Variants in B3GLCT observed in about 807,000 individuals in gnomAD.
B3GLCT encodes beta-1,3-glucosyltransferase.
B3GLCT carries 65 observed loss-of-function variants against 63.4 expected under a neutral mutation model. The observed-to-expected ratio is 1.03, with a 90% CI of 0.84 to 1.26. The LOEUF is 1.26. B3GLCT is among the 50% of genes most tolerant of loss of function. The probability of loss-of-function intolerance (pLI) is 0.00; values close to 1 mark genes in which losing one functional copy is unlikely to be tolerated. For synonymous variants in B3GLCT, 233 were observed against 219.2 expected, an observed-to-expected ratio of 1.06 and a Z score of -0.55; for missense variants, 577 against 604.8, an observed-to-expected ratio of 0.95 and a Z score of 0.48.
chr13:31,290,267 G>A (rs1474405733), intron 12 of B3GLCT, among the ~76,000 whole-genome samples: 3 of 152,154 alleles, frequency 2.0e-5, no homozygotes, highest in Non-Finnish European at 2.9e-5. Context: ...GTCTGTCACC[G>A]ATGGGCATTT....
intron 14 of B3GLCT, among the ~76,000 whole-genome samples, chr13:31,328,984 A>G (rs560049734): frequency 6.6e-6 from 1 of 152,338 alleles, no homozygotes; most frequent in South Asian, 2.1e-4. Context: ...GGAAGAGAGC[A>G]TGAGTTACAT....
At position 31,274,727 on chromosome 13, in the gene B3GLCT, G is replaced by A. The variant is rs552513266; in HGVS notation, c.780+99G>A. On this transcript the variant is annotated intron_variant, in intron 9 of 14. Coordinates refer to ENST00000343307, the MANE Select transcript of B3GLCT (RefSeq NM_194318.4). ...ACTTTAAAATGAATTTTAAATTCAG[G>A]GCATTCATGTGCAAGTTGGTTATAA... 4.8e-5 allele frequency: 71 copies of A among 1,477,918 alleles called. No individual in the cohort carries two copies. In the African/African-American group the frequency reaches 9.1e-4, roughly 19 times the overall value. The allele number at this position is 1,477,918 out of a possible 1,614,324, so 91.6% of individuals were successfully genotyped here. A position where few individuals can be genotyped will look rare whatever the true frequency, so the allele number is the denominator to read the frequency against.
At chr13:31,200,708 G>T (rs1254109251) in intron 1 of B3GLCT, among the ~76,000 whole-genome samples, 4 of 151,978 alleles carry the variant, frequency 2.6e-5, no homozygotes, top group Admixed American at 1.3e-4. Flanking sequence ...GTGTCCGCGC[G>T]CCCCTCCGCA....
intron 6 of B3GLCT, 40 bp from the exon 7 acceptor site, chr13:31,260,906 G>T: frequency 6.3e-7 from 1 of 1,589,412 alleles, no homozygotes; most frequent in Non-Finnish European, 8.6e-7. Flanking sequence ...TACATGAAAT[G>T]ATTGTTTTTA....
chr13:31,323,070 A>G (rs529413015), intron 13 of B3GLCT, among the ~76,000 whole-genome samples: 117 of 152,330 alleles, frequency 7.7e-4, no homozygotes, highest in African/African-American at 2.6e-3. Context: ...TCTCTTGTCT[A>G]GTCAAGGGCA....
chr13:31,274,221 G>A (rs1872684521), intron 8 of B3GLCT, among the ~76,000 whole-genome samples: 1 of 152,176 alleles, frequency 6.6e-6, no homozygotes, highest in Non-Finnish European at 1.5e-5. Context: ...CTCTCTCTGT[G>A]ATGTTGTAGA....
At chr13:31,304,108 T>A (rs1256757841) in intron 12 of B3GLCT, among the ~76,000 whole-genome samples, 3 of 94,152 alleles carry the variant, frequency 3.2e-5, no homozygotes, top group Non-Finnish European at 4.2e-5. Context: ...AATAAAATAC[T>A]TTATAGACAA....
rs375811209 is a variant in B3GLCT at position 31,235,557 on chromosome 13, G to GA, written c.270+6264dup. 1.7e-3 allele frequency among the ~76,000 whole-genome samples: 260 copies of GA among 151,700 alleles called. 3 individuals carry two copies. Among genetic ancestry groups the GA allele is most frequent in the Non-Finnish European group, 3.0e-3 (205 of 68,000 alleles). On this transcript the variant is annotated intron_variant, in intron 4 of 14. Coordinates refer to ENST00000343307, the MANE Select transcript of B3GLCT (RefSeq NM_194318.4). Reference sequence around the variant, plus strand: ...CATCAGTAATGCGACATTCTCTGGAGAGGCCTCAGAGAGACTGGTCTCAGA... The same window carrying GA: ...CATCAGTAATGCGACATTCTCTGGAGAAGGCCTCAGAGAGACTGGTCTCAGA...
chr13:31,224,847 T>A (rs1870014447), intron 3 of B3GLCT, among the ~76,000 whole-genome samples: 1 of 152,176 alleles, frequency 6.6e-6, no homozygotes, highest in African/African-American at 2.4e-5. Context: ...AACACCAGCA[T>A]GATGAAACCC....
intron 7 of B3GLCT, among the ~76,000 whole-genome samples, chr13:31,266,153 A>G (rs942858236): frequency 5.9e-5 from 9 of 152,120 alleles, no homozygotes; most frequent in African/African-American, 1.4e-4. Flanking sequence ...GCCCGCCACC[A>G]CACCCGCCTA....
chr13:31,301,845 T>G (rs1417657923), intron 12 of B3GLCT, among the ~76,000 whole-genome samples: 3 of 152,244 alleles, frequency 2.0e-5, no homozygotes, highest in Non-Finnish European at 4.4e-5. Context: ...CCACTCAGTC[T>G]TTAATAATGT....
intron 2 of B3GLCT, among the ~76,000 whole-genome samples, chr13:31,222,551 C>T (rs532236383): frequency 1.1e-4 from 17 of 152,342 alleles, no homozygotes; most frequent in African/African-American, 4.1e-4. Context: ...TCATGAGGAG[C>T]ACCCTGCCAG....
Position 31,269,527 on chromosome 13 carries a change from A to G in B3GLCT, c.660+250A>G, listed in dbSNP as rs1924818. Among the ~76,000 whole-genome samples, 144,867 of 152,236 alleles carry G rather than the reference A, an allele frequency of 0.95. 69,234 individuals carry two copies. The highest frequency in any genetic ancestry group is 1 in the East Asian group (5,171 of 5,188). Reference sequence around the variant, plus strand: ...TGATTCTTTACTTTTAAGCTAGATGAATGGGTCCAGAGGTAGATTTCTAAA... The same window carrying G: ...TGATTCTTTACTTTTAAGCTAGATGGATGGGTCCAGAGGTAGATTTCTAAA... On this transcript the variant is annotated intron_variant, in intron 8 of 14. Transcript: ENST00000343307.
At chr13:31,217,875 C>G (rs1396009255) in intron 2 of B3GLCT, among the ~76,000 whole-genome samples, 1 of 152,162 alleles carries the variant, frequency 6.6e-6, no homozygotes, top group East Asian at 1.9e-4. Context: ...ATGCCTCCAG[C>G]TTTGTTTCTT....
chr13:31,286,902 C>A, intron 12 of B3GLCT, 83 bp downstream of exon 12: 1 of 923,902 alleles, frequency 1.1e-6, no homozygotes, highest in Non-Finnish European at 1.7e-6. Flanking sequence ...TTTTTCTGGC[C>A]AAGATGAAGT....
intron 4 of B3GLCT, among the ~76,000 whole-genome samples, chr13:31,244,082 A>T (rs1263743031): frequency 6.6e-6 from 1 of 152,246 alleles, no homozygotes; most frequent in African/African-American, 2.4e-5. Flanking sequence ...GAATGCCTTT[A>T]CTATGTCTTT....
intron 4 of B3GLCT, among the ~76,000 whole-genome samples, chr13:31,239,437 T>G (rs1870821228): frequency 6.6e-6 from 1 of 152,204 alleles, no homozygotes. Context: ...TGCAATGATC[T>G]AATAAATCAC....
intron 12 of B3GLCT, among the ~76,000 whole-genome samples, chr13:31,317,287 G>A (rs1462578740): frequency 2.0e-5 from 3 of 152,170 alleles, no homozygotes; most frequent in South Asian, 2.1e-4. Flanking sequence ...CACAAATCAG[G>A]CAGCCGTATT....
intron 12 of B3GLCT, among the ~76,000 whole-genome samples, chr13:31,298,850 T>G (rs1485208720): frequency 1.3e-5 from 2 of 152,146 alleles, no homozygotes; most frequent in African/African-American, 4.8e-5. Flanking sequence ...CTAAGCGGGG[T>G]GAAGGAGCAA....
Sources: gnomAD v4.1 joint callset for allele counts (sites outside exome capture counted in the v4.1 genomes callset) on GRCh38, gnomAD v4.1.1 for gene constraint, MANE v1.5 for transcripts, NCBI Gene and HGNC (gene_info 2026-07-23, HGNC 2026-07-21) for gene names.